The following SKIC3 variants were observed in gnomAD, a reference collection of about 807,000 sequenced individuals.
The protein encoded by SKIC3 is superkiller complex protein 3.
chr5:95,533,372 C>A, the SKIC3 span, among the ~76,000 whole-genome samples: 8 of 152,002 alleles, frequency 5.3e-5, no homozygotes, highest in African/African-American at 1.4e-4. Flanking sequence ...TGTGGGAGGG[C>A]GGCTCAGACT....
chr5:95,523,618 A>T, the SKIC3 span: 2 of 1,602,090 alleles, frequency 1.2e-6, no homozygotes, highest in Middle Eastern at 1.7e-4. Flanking sequence ...TACTCAGGAT[A>T]AAAAAAACAA....
the SKIC3 span, chr5:95,528,222 T>C: frequency 1.5e-5 from 24 of 1,583,304 alleles, no homozygotes; most frequent in Non-Finnish European, 1.8e-5. Context: ...TTTTTAAGGA[T>C]GACATATAAT....
At chr5:95,501,720 T>A in the SKIC3 span, among the ~76,000 whole-genome samples, 2 of 152,120 alleles carry the variant, frequency 1.3e-5, no homozygotes, top group East Asian at 3.9e-4. Context: ...ATATATATTT[T>A]TTCCCACTTT....
At chr5:95,511,178 A>T in the SKIC3 span, among the ~76,000 whole-genome samples, 4 of 152,338 alleles carry the variant, frequency 2.6e-5, no homozygotes, top group Admixed American at 2.6e-4. Context: ...TGGGAGTCCG[A>T]GGCGGGTGGA....
At chr5:95,513,638 A>G in the SKIC3 span, 9 of 1,613,674 alleles carry the variant, frequency 5.6e-6, no homozygotes, top group Admixed American at 5.0e-5. Context: ...TGCCTCAGCA[A>G]TAAGAGCCTA....
the SKIC3 span, among the ~76,000 whole-genome samples, chr5:95,465,639 C>G: frequency 6.6e-6 from 1 of 152,194 alleles, no homozygotes; most frequent in African/African-American, 2.4e-5. Context: ...CAAGGTACGG[C>G]AAACAGCATG....
chr5:95,507,628 AGAC>A, the SKIC3 span, among the ~76,000 whole-genome samples: 1 of 152,228 alleles, frequency 6.6e-6, no homozygotes, highest in African/African-American at 2.4e-5. Context: ...TCCCATTTAA[AGAC>A]GACTGGCTAG....
At chr5:95,494,443 A>G in the SKIC3 span, among the ~76,000 whole-genome samples, 1 of 152,154 alleles carries the variant, frequency 6.6e-6, no homozygotes, top group African/African-American at 2.4e-5. Flanking sequence ...TAAATCTATA[A>G]TGCATCAATT....
the SKIC3 span, chr5:95,498,226 G>T: frequency 1.3e-6 from 1 of 757,010 alleles, no homozygotes; most frequent in East Asian, 2.7e-5. Context: ...TCAGTTACCT[G>T]GTCCTGTGTA....
the SKIC3 span, among the ~76,000 whole-genome samples, chr5:95,465,694 T>G: frequency 6.6e-6 from 1 of 152,188 alleles, no homozygotes; most frequent in African/African-American, 2.4e-5. Context: ...TCTCAGTCTG[T>G]GACGTGGATG....
the SKIC3 span, among the ~76,000 whole-genome samples, chr5:95,483,665 T>C: frequency 6.6e-6 from 1 of 152,214 alleles, no homozygotes; most frequent in Non-Finnish European, 1.5e-5. Flanking sequence ...TGGTAAGCAA[T>C]TATGAAATAC....
the SKIC3 span, chr5:95,512,372 T>C: frequency 6.6e-6 from 9 of 1,364,838 alleles, no homozygotes; most frequent in Non-Finnish European, 8.1e-6. Context: ...AATTCATGTC[T>C]TAAAGAATAC....
chr5:95,551,106 T>C, the SKIC3 span, among the ~76,000 whole-genome samples: 1 of 152,056 alleles, frequency 6.6e-6, no homozygotes, highest in Non-Finnish European at 1.5e-5. Flanking sequence ...ACATAAGGAG[T>C]ATAATATAAT....
the SKIC3 span, among the ~76,000 whole-genome samples, chr5:95,526,999 G>T: frequency 6.6e-6 from 1 of 152,090 alleles, no homozygotes; most frequent in African/African-American, 2.4e-5. Flanking sequence ...CCAAACATTT[G>T]TTTTCTTGAG....
chr5:95,496,377 T>C, the SKIC3 span, among the ~76,000 whole-genome samples: 3 of 152,076 alleles, frequency 2.0e-5, no homozygotes, highest in East Asian at 3.9e-4. Flanking sequence ...AGGACAAAAA[T>C]TAAGGCCCAG....
At chr5:95,541,721 C>A in the SKIC3 span, 1 of 901,640 alleles carries the variant, frequency 1.1e-6, no homozygotes, top group Non-Finnish European at 1.7e-6. Context: ...TTCGCAATTC[C>A]CAGTAAATGC....
At chr5:95,509,637 C>T in the SKIC3 span, 38 of 1,613,756 alleles carry the variant, frequency 2.4e-5, 1 homozygote, top group South Asian at 3.1e-4. Context: ...TGTAGATGTT[C>T]GTTTAAGTAA....
chr5:95,505,607 T>A, the SKIC3 span, among the ~76,000 whole-genome samples: 18 of 151,892 alleles, frequency 1.2e-4, no homozygotes, highest in East Asian at 5.8e-4. Context: ...AGGTCAGGAG[T>A]TCGAGACCAG....
the SKIC3 span, among the ~76,000 whole-genome samples, chr5:95,531,099 A>G: frequency 0.019 from 2,915 of 152,280 alleles, 38 homozygotes; most frequent in Non-Finnish European, 0.029. Context: ...TAATAACTAT[A>G]TAAAACATAG....
Sources: allele counts gnomAD v4.1 joint callset (sites outside exome capture counted in the v4.1 genomes callset), GRCh38; gene constraint gnomAD v4.1.1; transcripts MANE v1.5; gene names NCBI Gene and HGNC (gene_info 2026-07-23, HGNC 2026-07-21).